The following SLC30A8 variants were observed in gnomAD, a reference collection of about 807,000 sequenced individuals.
The protein encoded by SLC30A8 is solute carrier family 30 member 8.
SLC30A8 carries 27 observed loss-of-function variants against 36.9 expected under a neutral mutation model. The ratio of observed to expected loss-of-function variants is 0.73; its 90% CI spans 0.54 to 1.01. The LOEUF is 1.01. Among genes scored for constraint, SLC30A8 ranks in the 50% least tolerant of loss-of-function variants. SLC30A8 has a pLI of 0.00. For synonymous variants in SLC30A8, 164 were observed against 172.4 expected, an observed-to-expected ratio of 0.95 and a Z score of 0.38; for missense variants, 439 against 452.0, an observed-to-expected ratio of 0.97 and a Z score of 0.26.
chr8:116,971,314 AC>A (rs33911773), intron 1 of SLC30A8, among the ~76,000 whole-genome samples: 2,206 of 152,034 alleles, frequency 0.015, 60 homozygotes, highest in African/African-American at 0.05. Flanking sequence ...AAAAAAAAAA[AC>A]AAAAACACAT....
chr8:117,131,765 AAAACTGGTTATAT>A (rs1412415632), upstream of SLC30A8, among the ~76,000 whole-genome samples: 1 of 152,058 alleles, frequency 6.6e-6, no homozygotes, highest in African/African-American at 2.4e-5. Context: ...ACAGTTACAT[AAAACTGGTTATAT>A]ATCAGAGACT....
intron 1 of SLC30A8, among the ~76,000 whole-genome samples, chr8:117,026,316 C>T (rs1816869747): frequency 6.6e-6 from 1 of 152,126 alleles, no homozygotes; most frequent in Non-Finnish European, 1.5e-5. Context: ...CAAGAGCGCT[C>T]ACACAGTTTC....
At chr8:117,169,233 G>A (rs1032381855) in intron 6 of SLC30A8, among the ~76,000 whole-genome samples, 1 of 152,118 alleles carries the variant, frequency 6.6e-6, no homozygotes, top group Non-Finnish European at 1.5e-5. Flanking sequence ...CTCAGCTCAT[G>A]CTGTAGGGAA....
At chr8:117,153,227 G>T (rs1822285664) in intron 3 of SLC30A8, 137 bp downstream of exon 3, 1 of 783,726 alleles carries the variant, frequency 1.3e-6, no homozygotes, top group Non-Finnish European at 1.9e-6. Context: ...TAAAACAAAT[G>T]TGTATGTGGG....
intron 1 of SLC30A8, among the ~76,000 whole-genome samples, chr8:116,969,008 T>TA (rs1814693119): frequency 6.6e-6 from 1 of 152,108 alleles, no homozygotes; most frequent in Admixed American, 6.5e-5. Flanking sequence ...GTACTGGGAT[T>TA]AAAGCATGAG....
chr8:117,033,878 A>G (rs1817129927), intron 1 of SLC30A8, among the ~76,000 whole-genome samples: 1 of 152,232 alleles, frequency 6.6e-6, no homozygotes. Context: ...TAGTGAGAGC[A>G]TGTATTACTG....
intron 1 of SLC30A8, among the ~76,000 whole-genome samples, chr8:117,028,262 G>A (rs1816933223): frequency 6.6e-6 from 1 of 152,116 alleles, no homozygotes; most frequent in South Asian, 2.1e-4. Context: ...AACTCAGATG[G>A]AAATGTTAAT....
intron 1 of SLC30A8, among the ~76,000 whole-genome samples, chr8:116,995,241 A>G (rs1043168361): frequency 1.3e-5 from 2 of 152,068 alleles, no homozygotes; most frequent in Admixed American, 1.3e-4. Context: ...TTGCTTGAAA[A>G]GTGCTGAAAG....
In SLC30A8 at chr8:117,172,786, G is replaced by A. The variant is rs3802177; in HGVS notation, c.*105G>A. 385,777 of 1,327,950 alleles carry A rather than the reference G, an allele frequency of 0.29. 59,489 individuals carry two copies. The highest frequency in any genetic ancestry group is 0.44 in the East Asian group (18,943 of 43,128). The allele number at this position is 1,327,950 out of a possible 1,614,324, so 82.3% of individuals were successfully genotyped here. ...TAAGGAACCAAAGGAAGAAATTCAT[G>A]TCATGGTGCAATGCACATTTTATCT... is the stretch of plus-strand genomic sequence containing the variant. On this transcript the variant is annotated 3_prime_UTR_variant, in exon 8 of 8. Coordinates refer to ENST00000456015, the MANE Select transcript of SLC30A8 (RefSeq NM_173851.3).
At chr8:117,038,271 T>C (rs1025360238) in intron 1 of SLC30A8, among the ~76,000 whole-genome samples, 3 of 152,374 alleles carry the variant, frequency 2.0e-5, no homozygotes, top group Admixed American at 1.3e-4. Context: ...TTCTAGCTTA[T>C]TGTACATCTT....
At chr8:117,109,949 TA>T (rs1820153383) in intron 2 of SLC30A8, among the ~76,000 whole-genome samples, 1 of 152,172 alleles carries the variant, frequency 6.6e-6, no homozygotes, top group Admixed American at 6.5e-5. Flanking sequence ...TTAAGGTGCT[TA>T]GAATTACGCT....
chr8:117,023,783 C>T (rs1252707095), intron 1 of SLC30A8, among the ~76,000 whole-genome samples: 2 of 151,784 alleles, frequency 1.3e-5, no homozygotes, highest in Admixed American at 6.6e-5. Flanking sequence ...TGACGAGTTA[C>T]TGGGTGCAGC....
chr8:117,132,192 A>G (rs79872742), upstream of SLC30A8, among the ~76,000 whole-genome samples: 107 of 152,192 alleles, frequency 7.0e-4, no homozygotes, highest in East Asian at 0.019. Context: ...GTACTTTAGT[A>G]TCTAGGGATA....
intron 2 of SLC30A8, among the ~76,000 whole-genome samples, chr8:117,057,794 TAGAC>T (rs1817917441): frequency 1.3e-5 from 2 of 152,228 alleles, no homozygotes; most frequent in Admixed American, 6.5e-5. Flanking sequence ...CATCTGTTGA[TAGAC>T]AGTTGGTTTG....
upstream of SLC30A8, chr8:116,950,639 T>C (rs990622546): frequency 2.0e-5 from 3 of 152,226 alleles, no homozygotes; most frequent in African/African-American, 7.2e-5. Context: ...ACAGCCTGAA[T>C]TGAATTTCTA....
intron 1 of SLC30A8, among the ~76,000 whole-genome samples, chr8:117,008,948 T>A (rs936046285): frequency 6.6e-6 from 1 of 152,226 alleles, no homozygotes; most frequent in Non-Finnish European, 1.5e-5. Context: ...GCAATCTACC[T>A]ATTTTTCTAA....
At chr8:117,059,488 G>A (rs961813462) in intron 2 of SLC30A8, among the ~76,000 whole-genome samples, 1 of 152,168 alleles carries the variant, frequency 6.6e-6, no homozygotes, top group African/African-American at 2.4e-5. Flanking sequence ...ATGAGCTGTG[G>A]AAAGAACTAT....
At chr8:116,958,148 C>T (rs1364689684) in intron 1 of SLC30A8, among the ~76,000 whole-genome samples, 1 of 152,184 alleles carries the variant, frequency 6.6e-6, no homozygotes, top group Non-Finnish European at 1.5e-5. Context: ...TAAGTCATGC[C>T]ACGTCAGGGC....
chr8:117,035,214 C>T (rs964863372), intron 1 of SLC30A8, among the ~76,000 whole-genome samples: 1 of 152,226 alleles, frequency 6.6e-6, no homozygotes, highest in African/African-American at 2.4e-5. Context: ...AAAGTCTCAT[C>T]TGAAACAAGG....
Sources: gnomAD v4.1 joint callset for allele counts (sites outside exome capture counted in the v4.1 genomes callset) on GRCh38, gnomAD v4.1.1 for gene constraint, MANE v1.5 for transcripts, NCBI Gene and HGNC (gene_info 2026-07-23, HGNC 2026-07-21) for gene names.